Variants in CR1 observed in about 807,000 individuals in gnomAD.
CR1 encodes complement receptor type 1.
A neutral mutation model predicts 187.3 loss-of-function variants in CR1; 116 were observed. The ratio of observed to expected loss-of-function variants is 0.62; its 90% CI spans 0.53 to 0.72. The LOEUF is 0.72. CR1 is among the 30% of genes least tolerant of loss of function. The pLI is 0.00. For missense variants in CR1, 1,731 were observed against 2,110.7 expected (o/e 0.82, Z 3.52); for synonymous variants, 576 against 747.1 (o/e 0.77, Z 3.73).
intron 46 of CR1, among the ~76,000 whole-genome samples, chr1:207,632,797 C>CAAAAAAAAAAA (rs55649027): frequency 3.5e-4 from 38 of 107,620 alleles, no homozygotes; most frequent in African/African-American, 1.5e-3. Flanking sequence ...GACTCCGTCT[C>CAAAAAAAAAAA]AAAAAAAAAA....
At chr1:207,626,529 A>C (rs10863420) in intron 45 of CR1, among the ~76,000 whole-genome samples, 123,697 of 152,160 alleles carry the variant, frequency 0.81, 50,499 homozygotes, top group South Asian at 0.9. Flanking sequence ...GAAACACAGA[A>C]TATGAGTGGA....
In CR1 at chr1:207,640,257, T is replaced by C. The variant is rs1330950313; in HGVS notation, c.*848T>C. 6.6e-6 allele frequency: 1 copy of C among 152,218 alleles called. No homozygotes were observed. Among genetic ancestry groups the C allele is most frequent in the Non-Finnish European group, 1.5e-5 (1 of 68,076 alleles). 9.4% of individuals were successfully genotyped at this position (152,218 alleles called of 1,614,324 possible). ...CCTCAGCCTCCTGAGTAGTTGGGAT[T>C]ACCAGTAGATGGGACTACAGGCACC... On this transcript the variant is annotated 3_prime_UTR_variant, in exon 47 of 47. Transcript: ENST00000367049.
Position 207,584,772 on chromosome 1 carries a change from C to A in CR1, c.5426C>A (p.Thr1809Asn), listed in dbSNP as rs541225690. ...GACCCCCACCCAGACAGAGGGATGA[C>A]CTTCAACCTCATTGGGGAGAGCACC... ...TCDPHPDRGM[T>N]FNLIGESTIR... is the part of the protein sequence containing the mutation. The change falls in exon 33 of 47, where the codon ACC (threonine) becomes AAC (asparagine). Residue 1809 changes from threonine (T) to asparagine (N), a missense_variant. Thr to Asn is a moderately conservative substitution (Grantham distance 65, BLOSUM62 0). Around this residue, in one of 5 missense-constraint regions of CR1, gnomAD observed 1,312 missense variants for 1,379.6 expected, o/e 0.95. Coordinates refer to ENST00000367049, the MANE Select transcript of CR1 (RefSeq NM_000651.6). The A allele has an allele frequency of 6.3e-5, 101 of 1,613,928 alleles. No homozygotes were observed. Among genetic ancestry groups the A allele is most frequent in the Non-Finnish European group, 8.3e-5 (98 of 1,179,866 alleles).
intron 4 of CR1, among the ~76,000 whole-genome samples, chr1:207,523,396 C>T (rs1289231424): frequency 3.3e-5 from 5 of 152,128 alleles, no homozygotes; most frequent in East Asian, 3.8e-4. Context: ...TTAATACATG[C>T]ATGCAAATAC....
intron 24 of CR1, 141 bp downstream of exon 24, chr1:207,566,064 G>A: frequency 8.3e-7 from 1 of 1,207,538 alleles, no homozygotes; most frequent in South Asian, 1.5e-5. Context: ...ATAATGTTTG[G>A]TTGTGAATCA....
intron 42 of CR1, among the ~76,000 whole-genome samples, chr1:207,618,898 G>A (rs1048832713): frequency 2.7e-5 from 4 of 149,058 alleles, no homozygotes; most frequent in Non-Finnish European, 5.9e-5. Context: ...AAAATTAGCT[G>A]GGTGGTGGTG....
chr1:207,505,348 GA>G (rs56326354), intron 1 of CR1, among the ~76,000 whole-genome samples: 5,560 of 152,170 alleles, frequency 0.037, 139 homozygotes, highest in African/African-American at 0.058. Context: ...TATTTTGGGA[GA>G]GGCAGTGTTT....
chr1:207,586,849 A>G (rs1661125805), intron 33 of CR1, among the ~76,000 whole-genome samples: 2 of 152,226 alleles, frequency 1.3e-5, no homozygotes, highest in Admixed American at 6.5e-5. Flanking sequence ...ACCTAATCTT[A>G]ATTCTATCTG....
intron 36 of CR1, among the ~76,000 whole-genome samples, chr1:207,608,844 C>T (rs181696714): frequency 9.7e-4 from 148 of 152,046 alleles, no homozygotes; most frequent in Admixed American, 1.6e-3. Flanking sequence ...ATTTTATTGC[C>T]CTTAAATCTG....
At chr1:207,604,804 A>T (rs1174981345) in intron 35 of CR1, among the ~76,000 whole-genome samples, 4 of 152,182 alleles carry the variant, frequency 2.6e-5, no homozygotes, top group Non-Finnish European at 5.9e-5. Flanking sequence ...TGTGAAATCT[A>T]AAACAGTTGA....
chr1:207,627,736 C>T (rs1662524273), intron 45 of CR1, among the ~76,000 whole-genome samples: 1 of 152,194 alleles, frequency 6.6e-6, no homozygotes, highest in African/African-American at 2.4e-5. Context: ...TATGGTAAGA[C>T]CATGTCCCTA....
Position 207,582,005 on chromosome 1 carries a change from T to A in CR1, c.5302+2T>A. ...ATAACAGTGTTCCTGTGTGTGAACG[T>A]GAGTAGATGGAATACTTGTTCAGTC... On this transcript the variant is annotated splice_donor_variant, in intron 32 of 46. Transcript: ENST00000367049. LOFTEE classifies it high-confidence loss of function. 1 of 1,601,638 alleles carries A rather than the reference T, an allele frequency of 6.2e-7. No homozygotes were observed. The highest frequency in any genetic ancestry group is 8.6e-7 in the Non-Finnish European group (1 of 1,169,530).
At chr1:207,609,250 TA>T in intron 36 of CR1, 39 bp from the exon 37 acceptor site, 1 of 1,485,252 alleles carries the variant, frequency 6.7e-7, no homozygotes, top group Non-Finnish European at 9.0e-7. Context: ...AATTCATTAT[TA>T]AAAAATAAGC....
chr1:207,609,168 A>G (rs1407421553), intron 36 of CR1, 122 bp from the exon 37 acceptor site: 2 of 1,016,466 alleles, frequency 2.0e-6, no homozygotes, highest in Non-Finnish European at 2.7e-6. Context: ...TTTTAAGAAA[A>G]TAACAGTATT....
intron 40 of CR1, among the ~76,000 whole-genome samples, chr1:207,615,559 C>T (rs1390726857): frequency 6.6e-6 from 1 of 152,004 alleles, no homozygotes; most frequent in Non-Finnish European, 1.5e-5. Flanking sequence ...TTTGACATAC[C>T]AAGACATTAC....
chr1:207,593,127 C>CA (rs2102361578), intron 35 of CR1, among the ~76,000 whole-genome samples: 1 of 141,236 alleles, frequency 7.1e-6, no homozygotes, highest in African/African-American at 2.8e-5. Context: ...CATATGGAAC[C>CA]AAAAAATAGC....
At chr1:207,500,989 T>C (rs1488352709) in intron 1 of CR1, among the ~76,000 whole-genome samples, 1 of 149,666 alleles carries the variant, frequency 6.7e-6, no homozygotes, top group Non-Finnish European at 1.5e-5. Flanking sequence ...CTAATTATGC[T>C]GTGTGAAGGC....
intron 4 of CR1, among the ~76,000 whole-genome samples, chr1:207,517,294 G>C (rs1659835913): frequency 6.6e-6 from 1 of 152,034 alleles, no homozygotes; most frequent in South Asian, 2.1e-4. Context: ...GTGTGTGTGT[G>C]CAGGATTGCT....
intron 44 of CR1, among the ~76,000 whole-genome samples, chr1:207,622,554 G>T (rs538225934): frequency 5.5e-4 from 84 of 152,240 alleles, no homozygotes; most frequent in Non-Finnish European, 9.4e-4. Flanking sequence ...GAATGGGGTA[G>T]CCTGGGTCTA....
Sources: allele counts gnomAD v4.1 joint callset (sites outside exome capture counted in the v4.1 genomes callset), GRCh38; gene constraint gnomAD v4.1.1; regional missense constraint gnomAD v4.1.1; transcripts MANE v1.5; gene names NCBI Gene and HGNC (gene_info 2026-07-23, HGNC 2026-07-21).